AEBP1: variants seen among roughly 807,000 people sequenced by gnomAD.
The protein encoded by AEBP1 is adipocyte enhancer-binding protein 1.
A neutral mutation model predicts 116.5 loss-of-function variants in AEBP1; 69 were observed. The ratio of observed to expected loss-of-function variants is 0.59; its 90% confidence interval spans 0.49 to 0.72. AEBP1 has a LOEUF of 0.72. AEBP1 is among the 30% of genes least tolerant of loss of function. AEBP1 has a pLI of 0.00. For synonymous variants in AEBP1, 627 were observed against 627.3 expected (o/e 1.00, Z 0.01); for missense variants, 1,444 against 1,557.5 (o/e 0.93, Z 1.23).
chr7:44,107,917 C>G lies in AEBP1; in HGVS notation c.848C>G (p.Pro283Arg). The change falls in exon 5 of 21, where the codon CCG becomes CGG. Residue 283 changes from proline to arginine, a missense_variant. Coordinates refer to ENST00000223357, the MANE Select transcript of AEBP1 (RefSeq NM_001129.5). The surrounding 1 kb of genome is among the most constrained non-coding windows in gnomAD (Gnocchi z 4.3). ...PPEEKAPAPA[P>R]EERIEPPVKP... ...GAGGAGAAGGCCCCGGCCCCAGCCCCGGAGGAGAGGATTGGTAGGATGGGG... is the reference window on the plus strand; with the variant it reads ...GAGGAGAAGGCCCCGGCCCCAGCCCGGGAGGAGAGGATTGGTAGGATGGGG... 6.3e-7 allele frequency: 1 copy of G among 1,589,778 alleles called. No individual in the cohort carries two copies. The highest frequency in any genetic ancestry group is 8.6e-7 in the Non-Finnish European group (1 of 1,168,904).
rs996248410 is a variant in AEBP1, at chr7:44,107,599, G to A, written c.668-30G>A. The A allele has an allele frequency of 8.1e-6, 13 of 1,613,384 alleles. No homozygotes were observed. Among genetic ancestry groups the A allele is most frequent in the African/African-American group, 1.3e-5 (1 of 74,906 alleles). ...CCCCAGAGTAGGCCTGGGTGGGGTT[G>A]TCAGGCAGCTACCAGCGCTTTCCCC... is the stretch of plus-strand genomic sequence containing the variant. On this transcript the variant is annotated intron_variant, in intron 3 of 20. Coordinates refer to ENST00000223357, the MANE Select transcript of AEBP1 (RefSeq NM_001129.5). The surrounding 1 kb of genome is among the most constrained non-coding windows in gnomAD (Gnocchi z 4.3).
intron 9 of AEBP1, 34 bp downstream of exon 9, chr7:44,109,375 G>GGGGGCCC: frequency 1.3e-6 from 1 of 752,348 alleles, no homozygotes; most frequent in Non-Finnish European, 2.1e-6. Context: ...GAGGGTGGGG[G>GGGGGCCC]CCACAGGATG....
In AEBP1 at chr7:44,109,088, C is replaced by T; in HGVS notation, c.1019-19C>T. 1 of 1,613,342 alleles carries T rather than the reference C, an allele frequency of 6.2e-7. No homozygotes were observed. The highest frequency in any genetic ancestry group is 8.5e-7 in the Non-Finnish European group (1 of 1,179,930). ...CCCAGAGCCAGGCTGACTGGCCCCT[C>T]CTACCTTGCACCTTCCAGAGAAACC... On this transcript the variant is annotated intron_variant, in intron 7 of 20. Transcript: ENST00000223357.
chr7:44,109,688 A>T, intron 9 of AEBP1: 1 of 564,924 alleles, frequency 1.8e-6, no homozygotes, highest in Non-Finnish European at 3.2e-6. Context: ...CATCTGGATG[A>T]CATCTGTGGC....
In AEBP1 at chr7:44,106,683, C is replaced by T. The variant is rs746809230; in HGVS notation, c.391C>T (p.Pro131Ser). The T allele has an allele frequency of 2.5e-6, 4 of 1,612,242 alleles. No individual in the cohort carries two copies. The Admixed American group carries it at 5.0e-5, about 20-fold the overall frequency. The change falls in exon 2 of 21, where the codon CCC (proline) becomes TCC (serine). Residue 131 changes from proline (P) to serine (S), a missense_variant. By Grantham distance (74) the Pro-to-Ser change is moderately conservative. Coordinates refer to ENST00000223357, the MANE Select transcript of AEBP1 (RefSeq NM_001129.5). ...GAAGCCACCCAAGGCCACCAAGAAG[C>T]CCAAGGAGAAGCCACCTAAGGCCAC... ...KEKPPKATKK[P>S]KEKPPKATKK...
intron 1 of AEBP1, chr7:44,106,083 T>G: frequency 2.4e-6 from 1 of 415,238 alleles, no homozygotes; most frequent in East Asian, 7.1e-5. Context: ...CTTTGAAGCT[T>G]TTCTTGCCCC....
chr7:44,113,990 G>T lies in AEBP1; in HGVS notation c.3206G>T (p.Gly1069Val), dbSNP rs1168482228. ...TTLSTTIEPW[G>V]LIPPTTAGWE... ...CTGAGCACTACCATAGAGCCCTGGG[G>T]CCTCATACCGCCAACCACCGCTGGC... The change falls in exon 21 of 21, where the codon GGC (glycine) becomes GTC (valine). Residue 1069 changes from glycine to valine, a missense_variant. Transcript: ENST00000223357. This position sits in a 1 kb window ranked among gnomAD's most constrained non-coding sequence, Gnocchi z 5.3. 1 of 1,613,766 alleles carries T rather than the reference G, an allele frequency of 6.2e-7. No individual in the cohort carries two copies. Among genetic ancestry groups the T allele is most frequent in the Non-Finnish European group, 8.5e-7 (1 of 1,179,922 alleles).
In AEBP1 at chr7:44,110,025, C is replaced by T. The variant is rs767717170; in HGVS notation, c.1161C>T (p.Pro387=). 6.2e-6 allele frequency: 10 copies of T among 1,612,694 alleles called. No homozygotes were observed. In the East Asian group the frequency reaches 2.2e-4, roughly 36 times the overall value. Residue 387 remains proline, a synonymous_variant, in exon 10 of 21, where the codon CCC becomes CCT. Transcript: ENST00000223357. Reference sequence around the variant, plus strand: ...GGTACGCGTCCTCAGAGTGTCCCCCCATTGGGATGGAGTCACACCGTATTG... The same window carrying T: ...GGTACGCGTCCTCAGAGTGTCCCCCTATTGGGATGGAGTCACACCGTATTG... ...WTPTEKVKCP[P]IGMESHRIED...
chr7:44,111,903 G>A lies in AEBP1; in HGVS notation c.1890G>A (p.Leu630=). 1.2e-6 allele frequency: 2 copies of A among 1,613,794 alleles called. No individual in the cohort carries two copies. ...CTGGGATCCATGGCAACGAGGTGCT[G>A]GGCCGAGAGCTGTTGCTGCTGCTCA... is the stretch of plus-strand genomic sequence containing the variant. ...YTAGIHGNEV[L]GRELLLLLMQ... The change falls in exon 16 of 21, where the codon CTG becomes CTA. Residue 630 remains leucine (L), a synonymous_variant. Coordinates refer to ENST00000223357, the MANE Select transcript of AEBP1 (RefSeq NM_001129.5). This position sits in a 1 kb window ranked among gnomAD's most constrained non-coding sequence, Gnocchi z 4.7.
Position 44,114,240 on chromosome 7 carries a change from A to G in AEBP1, c.3456A>G (p.Thr1152=), listed in dbSNP as rs771590286. ...CCTTCACAACAGTAGAGACCTACAC[A>G]GTGAACTTTGGGGACTTCTGAGATC... The part of the protein sequence containing the change: ...AFPFTTVETY[T]VNFGDF Residue 1152 remains threonine, a synonymous_variant, in exon 21 of 21, where the codon ACA becomes ACG. Transcript: ENST00000223357. 6.2e-7 allele frequency: 1 copy of G among 1,614,008 alleles called. No homozygotes were observed. Among genetic ancestry groups the G allele is most frequent in the East Asian group, 2.2e-5 (1 of 44,882 alleles).
At position 44,104,853 on chromosome 7, in the gene AEBP1, C is replaced by T; in HGVS notation, c.188C>T (p.Thr63Ile). 1 of 1,575,240 alleles carries T rather than the reference C, an allele frequency of 6.3e-7. No individual in the cohort carries two copies. Among genetic ancestry groups the T allele is most frequent in the Non-Finnish European group, 8.6e-7 (1 of 1,161,284 alleles). ...GAGGCCCCGCCGCCTCCCGAGCCCA[C>T]CCCGCGGGTCCGAAAAGCCCAGGCG... ...DVEAPPPPEPTPRVRKAQAGG... is the reference protein window; with the variant it reads ...DVEAPPPPEPIPRVRKAQAGG... The change falls in exon 1 of 21, where the codon ACC becomes ATC. Residue 63 changes from threonine to isoleucine, a missense_variant. Coordinates refer to ENST00000223357, the MANE Select transcript of AEBP1 (RefSeq NM_001129.5).
In AEBP1 at chr7:44,112,565, C is replaced by A. The variant is rs754107731; in HGVS notation, c.2225C>A (p.Thr742Lys). 3 of 1,583,248 alleles carry A rather than the reference C, an allele frequency of 1.9e-6. No individual in the cohort carries two copies. The highest frequency in any genetic ancestry group is 2.6e-6 in the Non-Finnish European group (3 of 1,160,362). ...ACGTGCTGGCCACTCCAGGTATCCA[C>A]GGAGGTCCGGGCCATCATTGCCTGG... is the stretch of plus-strand genomic sequence containing the variant. ...RYLSPDATVS[T>K]EVRAIIAWME... is the part of the protein sequence containing the mutation. The change falls in exon 18 of 21, where the codon ACG (threonine) becomes AAG (lysine). Residue 742 changes from threonine (T) to lysine (K), a missense_variant. Coordinates refer to ENST00000223357, the MANE Select transcript of AEBP1 (RefSeq NM_001129.5). This position sits in a 1 kb window ranked among gnomAD's most constrained non-coding sequence, Gnocchi z 6.6.
chr7:44,113,949 T>A lies in AEBP1; in HGVS notation c.3165T>A (p.Pro1055=). Reference sequence around the variant, plus strand: ...ACACTGTGCCTCCCACGCTGCCCCCTGCCCCTGCCACCACCCTGAGCACTA... The same window carrying A: ...ACACTGTGCCTCCCACGCTGCCCCCAGCCCCTGCCACCACCCTGAGCACTA... ...GPHTVPPTLP[P]APATTLSTTI... is the part of the protein sequence containing the mutation. Residue 1055 remains proline, a synonymous_variant, in exon 21 of 21, where the codon CCT becomes CCA. Transcript: ENST00000223357. The surrounding 1 kb of genome is among the most constrained non-coding windows in gnomAD (Gnocchi z 5.3). 1 of 1,613,170 alleles carries A rather than the reference T, an allele frequency of 6.2e-7. No homozygotes were observed. Among genetic ancestry groups the A allele is most frequent in the Admixed American group, 1.7e-5 (1 of 59,862 alleles).
At position 44,107,342 on chromosome 7, in the gene AEBP1, C is replaced by A; in HGVS notation, c.596-97C>A. On this transcript the variant is annotated intron_variant, in intron 2 of 20. Transcript: ENST00000223357. The surrounding 1 kb of genome is among the most constrained non-coding windows in gnomAD (Gnocchi z 4.3). ...TCGGCCTCAGGAGGGTGTCCACAGG[C>A]TCTGTGTGGGCTCTATGGGTGGCTG... 1 of 1,241,900 alleles carries A rather than the reference C, an allele frequency of 8.1e-7. No individual in the cohort carries two copies. The highest frequency in any genetic ancestry group is 1.2e-6 in the Non-Finnish European group (1 of 852,448). 76.9% of individuals were successfully genotyped at this position (1,241,900 alleles called of 1,614,324 possible).
Position 44,112,657 on chromosome 7 carries a change from T to A in AEBP1, c.2317T>A (p.Tyr773Asn). 1 of 1,613,230 alleles carries A rather than the reference T, an allele frequency of 6.2e-7. No individual in the cohort carries two copies. The stretch of plus-strand genomic sequence containing the variant: ...CGGCGAGCGGCTAGTATCCTACCCC[T>A]ACGATATGGCCCGCACGCCTACCCA... Reference protein sequence around the residue: ...NGGERLVSYPYDMARTPTQEQ... With the variant: ...NGGERLVSYPNDMARTPTQEQ... Residue 773 changes from tyrosine (Y) to asparagine (N), a missense_variant, in exon 18 of 21, where the codon TAC becomes AAC. Coordinates refer to ENST00000223357, the MANE Select transcript of AEBP1 (RefSeq NM_001129.5). This position sits in a 1 kb window ranked among gnomAD's most constrained non-coding sequence, Gnocchi z 6.6.
rs2096231367 is a variant in AEBP1, at chr7:44,112,934, G to A, written c.2569+25G>A. 6.2e-7 allele frequency: 1 copy of A among 1,611,898 alleles called. No homozygotes were observed. The highest frequency in any genetic ancestry group is 8.5e-7 in the Non-Finnish European group (1 of 1,178,756). On this transcript the variant is annotated intron_variant, in intron 18 of 20. Transcript: ENST00000223357. This position sits in a 1 kb window ranked among gnomAD's most constrained non-coding sequence, Gnocchi z 6.6. Reference sequence around the variant, plus strand: ...AGTGAGTCAGCCTGGGAGGGGCTGTGGGCGGGGCCTGGTCCGGAGAGGGGC... The same window carrying A: ...AGTGAGTCAGCCTGGGAGGGGCTGTAGGCGGGGCCTGGTCCGGAGAGGGGC...
chr7:44,105,205 A>G (rs751356315), intron 1 of AEBP1, among the ~76,000 whole-genome samples: 1 of 152,214 alleles, frequency 6.6e-6, no homozygotes, highest in Non-Finnish European at 1.5e-5. Flanking sequence ...CCAGTACGCG[A>G]CAGGTACTAG....
chr7:44,106,607 G>A lies in AEBP1; in HGVS notation c.315G>A (p.Val105=). The A allele has an allele frequency of 5.6e-6, 9 of 1,612,188 alleles. No homozygotes were observed. Among genetic ancestry groups the A allele is most frequent in the Non-Finnish European group, 6.8e-6 (8 of 1,179,532 alleles). Residue 105 remains valine, a synonymous_variant, in exon 2 of 21, where the codon GTG becomes GTA. Coordinates refer to ENST00000223357, the MANE Select transcript of AEBP1 (RefSeq NM_001129.5). ...GCAAGAAAGACAAAGGCCCCAAGGT[G>A]CCCAAGGAGTCCTTGGAGGGGTCCC... is the stretch of plus-strand genomic sequence containing the variant. ...KKGKKDKGPK[V]PKESLEGSPR...
rs1298921337 is a variant in AEBP1, at chr7:44,107,955, G to T, written c.862+24G>T. On this transcript the variant is annotated intron_variant, in intron 5 of 20. Transcript: ENST00000223357. This position sits in a 1 kb window ranked among gnomAD's most constrained non-coding sequence, Gnocchi z 4.3. ...TGGTAGGATGGGGGGCAGGAGAGGA[G>T]GTGCCATGGCCACGGCGCTCTGGCC... 1 of 1,465,210 alleles carries T rather than the reference G, an allele frequency of 6.8e-7. No homozygotes were observed. The highest frequency in any genetic ancestry group is 2.3e-5 in the Admixed American group (1 of 43,038). 90.8% of individuals were successfully genotyped at this position (1,465,210 alleles called of 1,614,324 possible).
Sources: gnomAD v4.1 joint callset for allele counts (sites outside exome capture counted in the v4.1 genomes callset) on GRCh38, gnomAD v4.1.1 for gene constraint, Gnocchi (gnomAD v3.1) non-coding constraint, MANE v1.5 for transcripts, NCBI Gene and HGNC (gene_info 2026-07-23, HGNC 2026-07-21) for gene names.